The following HDAC9 variants were observed in gnomAD, a reference collection of about 807,000 sequenced individuals.
HDAC9 encodes histone deacetylase 9.
A neutral mutation model predicts 139.4 loss-of-function variants in HDAC9; 41 were observed. The ratio of observed to expected loss-of-function variants is 0.29; its 90% CI spans 0.23 to 0.38. The LOEUF is 0.38. Among genes scored for constraint, HDAC9 ranks in the 10% least tolerant of loss-of-function variants. The pLI, the probability that HDAC9 is intolerant of heterozygous loss-of-function variation, is 1.00. For synonymous variants in HDAC9, 517 were observed against 476.2 expected (o/e 1.09, Z -1.12); for missense variants, 1,147 against 1,297.0 (o/e 0.88, Z 1.78).
intron 1 of HDAC9, among the ~76,000 whole-genome samples, chr7:18,145,393 T>C (rs1786235877): frequency 6.6e-6 from 1 of 152,232 alleles, no homozygotes; most frequent in Admixed American, 6.5e-5. Context: ...TTGACTGAGC[T>C]GGTAAGGGCT....
intron 1 of HDAC9, among the ~76,000 whole-genome samples, chr7:18,137,870 A>G (rs1396008056): frequency 6.6e-6 from 1 of 152,082 alleles, no homozygotes; most frequent in East Asian, 1.9e-4. Flanking sequence ...GAATAGTTTC[A>G]GAAGGAATGG....
At chr7:18,530,726 A>T (rs1808630287) in intron 2 of HDAC9, among the ~76,000 whole-genome samples, 1 of 151,526 alleles carries the variant, frequency 6.6e-6, no homozygotes, top group South Asian at 2.1e-4. Flanking sequence ...CCAGTGTCAC[A>T]GTCTTCTGAT....
chr7:18,789,893 T>G (rs1792151279), intron 16 of HDAC9, among the ~76,000 whole-genome samples: 1 of 152,184 alleles, frequency 6.6e-6, no homozygotes, highest in South Asian at 2.1e-4. Flanking sequence ...CAGAGCTCTC[T>G]TAAGGAAGTG....
chr7:18,313,973 A>G (rs1174969816), intron 1 of HDAC9, among the ~76,000 whole-genome samples: 1 of 152,304 alleles, frequency 6.6e-6, no homozygotes, highest in East Asian at 1.9e-4. Flanking sequence ...TAATTTGGTT[A>G]TACATAAAAT....
intron 1 of HDAC9, among the ~76,000 whole-genome samples, chr7:18,397,631 A>G (rs957103693): frequency 1.3e-5 from 2 of 152,210 alleles, no homozygotes; most frequent in Admixed American, 6.5e-5. Context: ...CAGAAATGCA[A>G]TCTGCTTTTT....
chr7:18,323,241 G>T (rs926626023), intron 1 of HDAC9, among the ~76,000 whole-genome samples: 1 of 152,124 alleles, frequency 6.6e-6, no homozygotes, highest in Non-Finnish European at 1.5e-5. Flanking sequence ...GGCTCTACTA[G>T]GGAAAATATA....
chr7:18,401,531 A>G (rs1787541598), intron 1 of HDAC9, among the ~76,000 whole-genome samples: 2 of 152,180 alleles, frequency 1.3e-5, no homozygotes. Flanking sequence ...TGTGGTGATC[A>G]TCATGGTGGT....
At chr7:18,195,773 G>T (rs554488063) in intron 2 of HDAC9, among the ~76,000 whole-genome samples, 1 of 152,026 alleles carries the variant, frequency 6.6e-6, no homozygotes, top group African/African-American at 2.4e-5. Context: ...CAGCCATATC[G>T]TATATGGGCT....
chr7:18,951,751 T>A (rs963533770), intron 23 of HDAC9, among the ~76,000 whole-genome samples: 12 of 151,786 alleles, frequency 7.9e-5, no homozygotes, highest in African/African-American at 2.9e-4. Flanking sequence ...AAAATGAATA[T>A]TTAATATTAT....
chr7:18,122,989 C>T (rs574688912), intron 1 of HDAC9, among the ~76,000 whole-genome samples: 124 of 152,248 alleles, frequency 8.1e-4, no homozygotes, highest in African/African-American at 2.9e-3. Context: ...TATACTTATT[C>T]AAATTACTGC....
At chr7:18,678,980 C>G (rs1028829475) in intron 12 of HDAC9, among the ~76,000 whole-genome samples, 21 of 152,022 alleles carry the variant, frequency 1.4e-4, no homozygotes, top group African/African-American at 4.8e-4. Context: ...GAGCATTTAA[C>G]AGGGGTGGAT....
At chr7:18,716,818 C>T (rs1397435080) in intron 12 of HDAC9, among the ~76,000 whole-genome samples, 9 of 152,244 alleles carry the variant, frequency 5.9e-5, no homozygotes, top group Non-Finnish European at 5.9e-5. Context: ...CATACAAACA[C>T]TGGTTACTCT....
intron 1 of HDAC9, among the ~76,000 whole-genome samples, chr7:18,318,803 A>T (rs1180840919): frequency 6.6e-6 from 1 of 152,168 alleles, no homozygotes; most frequent in African/African-American, 2.4e-5. Context: ...TTATGTGATA[A>T]GGGGGGATAA....
intron 1 of HDAC9, among the ~76,000 whole-genome samples, chr7:18,489,127 T>C (rs1217807344): frequency 1.3e-5 from 2 of 152,214 alleles, no homozygotes; most frequent in East Asian, 3.9e-4. Context: ...GAAGGAATCA[T>C]TTATTCATTG....
chr7:18,924,418 G>A (rs1236750533), intron 22 of HDAC9, among the ~76,000 whole-genome samples: 1 of 152,014 alleles, frequency 6.6e-6, no homozygotes, highest in African/African-American at 2.4e-5. Context: ...AATTCGGAGG[G>A]TTCCTGAACC....
At chr7:18,511,151 G>T (rs1428552094) in intron 2 of HDAC9, among the ~76,000 whole-genome samples, 1 of 151,998 alleles carries the variant, frequency 6.6e-6, no homozygotes, top group African/African-American at 2.4e-5. Context: ...GCTAAAAGAT[G>T]AACATAAAAA....
intron 2 of HDAC9, among the ~76,000 whole-genome samples, chr7:18,172,429 G>A (rs1048606933): frequency 2.0e-5 from 3 of 151,968 alleles, no homozygotes; most frequent in Non-Finnish European, 1.5e-5. Context: ...TTTTTGAAGG[G>A]TTTTTTATGT....
At chr7:18,431,079 C>T (rs1041809228) in intron 1 of HDAC9, among the ~76,000 whole-genome samples, 1 of 151,958 alleles carries the variant, frequency 6.6e-6, no homozygotes, top group African/African-American at 2.4e-5. Context: ...CCAGTCCTGT[C>T]CCATTCCTAC....
chr7:18,566,301 A>C (rs1822320676), intron 2 of HDAC9, among the ~76,000 whole-genome samples: 2 of 152,324 alleles, frequency 1.3e-5, no homozygotes, highest in Admixed American at 1.3e-4. Flanking sequence ...TTTTAATTAG[A>C]TAAAGCTTTC....
Sources: gnomAD v4.1 joint callset for allele counts (sites outside exome capture counted in the v4.1 genomes callset) on GRCh38, gnomAD v4.1.1 for gene constraint, MANE v1.5 for transcripts, NCBI Gene and HGNC (gene_info 2026-07-23, HGNC 2026-07-21) for gene names.